The following STXBP4 variants were observed in gnomAD, a reference collection of about 807,000 sequenced individuals.
STXBP4 encodes syntaxin-binding protein 4.
STXBP4 carries 55 observed loss-of-function variants against 76.1 expected under a neutral mutation model. The observed-to-expected ratio is 0.72, with a 90% CI of 0.58 to 0.91. The LOEUF is 0.91. STXBP4 is among the 40% of genes least tolerant of loss of function. The pLI, the probability that STXBP4 is intolerant of heterozygous loss-of-function variation, is 0.00. For synonymous variants in STXBP4, 201 were observed against 220.2 expected, an observed-to-expected ratio of 0.91 and a Z score of 0.77; for missense variants, 618 against 636.9, an observed-to-expected ratio of 0.97 and a Z score of 0.32.
At chr17:55,078,779 A>C in intron 15 of STXBP4, 44 bp downstream of exon 15, 1 of 1,062,428 alleles carries the variant, frequency 9.4e-7, no homozygotes, top group Non-Finnish European at 1.5e-6. Flanking sequence ...GGTAGTGATT[A>C]AATTCTTCAT....
Position 55,043,762 on chromosome 17 carries a change from T to A in STXBP4, c.945+437T>A, listed in dbSNP as rs2078743712. The A allele has an allele frequency of 4.2e-6, 4 of 959,684 alleles. No individual in the cohort carries two copies. The Admixed American group carries it at 8.7e-5, about 21-fold the overall frequency. The allele number at this position is 959,684 out of a possible 1,614,324, so 59.4% of individuals were successfully genotyped here. The stretch of plus-strand genomic sequence containing the variant: ...CTAACGTAATTTGGAATTAATATTA[T>A]TTTAGAGAGGAAAAAAACACACATA... On this transcript the variant is annotated intron_variant, in intron 11 of 17. Transcript: ENST00000376352.
intron 4 of STXBP4, among the ~76,000 whole-genome samples, chr17:54,996,526 A>G (rs1013172088): frequency 6.6e-6 from 1 of 152,166 alleles, no homozygotes; most frequent in African/African-American, 2.4e-5. Flanking sequence ...ACAGATATGG[A>G]AGTCTCATTC....
intron 16 of STXBP4, among the ~76,000 whole-genome samples, chr17:55,094,217 G>A (rs1261895172): frequency 6.7e-6 from 1 of 148,376 alleles, no homozygotes; most frequent in Non-Finnish European, 1.5e-5. Context: ...GCAAGCAGGA[G>A]AACAGCATGC....
At chr17:54,992,067 G>T (rs1233761447) in intron 4 of STXBP4, among the ~76,000 whole-genome samples, 1 of 151,916 alleles carries the variant, frequency 6.6e-6, no homozygotes, top group Non-Finnish European at 1.5e-5. Flanking sequence ...ACTTTCAATT[G>T]TTTTATGCTT....
chr17:55,185,189 T>TTC, the STXBP4 span, among the ~76,000 whole-genome samples: 1 of 87,654 alleles, frequency 1.1e-5, no homozygotes, highest in Non-Finnish European at 2.4e-5. Context: ...TCTTCTTCTT[T>TTC]TTCTTCTTCT....
chr17:55,204,721 G>A, the STXBP4 span, among the ~76,000 whole-genome samples: 17 of 151,930 alleles, frequency 1.1e-4, no homozygotes, highest in African/African-American at 4.1e-4. Context: ...AATGACACCA[G>A]TTGGGCTCAA....
chr17:55,133,362 AG>A (rs2079993078), intron 16 of STXBP4, among the ~76,000 whole-genome samples: 1 of 152,174 alleles, frequency 6.6e-6, no homozygotes, highest in African/African-American at 2.4e-5. Context: ...TCAGGAGATC[AG>A]TAATGGGCAC....
At chr17:54,982,886 A>T (rs2077570498) in intron 1 of STXBP4, among the ~76,000 whole-genome samples, 2 of 152,142 alleles carry the variant, frequency 1.3e-5, no homozygotes, top group African/African-American at 4.8e-5. Flanking sequence ...TTTTTTGGTG[A>T]ATCAAACTTT....
chr17:55,069,372 TC>T (rs752894341), intron 12 of STXBP4, among the ~76,000 whole-genome samples: 2 of 152,168 alleles, frequency 1.3e-5, no homozygotes, highest in African/African-American at 2.4e-5. Flanking sequence ...GACAGCATTT[TC>T]CCTGATGGGA....
At chr17:55,111,104 A>G (rs2079708628) in intron 16 of STXBP4, among the ~76,000 whole-genome samples, 1 of 152,150 alleles carries the variant, frequency 6.6e-6, no homozygotes, top group Non-Finnish European at 1.5e-5. Flanking sequence ...GGAAAATGGC[A>G]CAGTAACTTC....
intron 16 of STXBP4, among the ~76,000 whole-genome samples, chr17:55,113,113 T>C (rs948008373): frequency 7.2e-5 from 11 of 152,010 alleles, no homozygotes; most frequent in African/African-American, 2.4e-4. Context: ...TTCATAAATA[T>C]TGGTTATGTA....
intron 4 of STXBP4, among the ~76,000 whole-genome samples, chr17:54,992,705 C>CTTTT (rs760386476): frequency 5.4e-4 from 52 of 96,822 alleles, no homozygotes; most frequent in East Asian, 1.1e-3. Context: ...AATTTGCTTC[C>CTTTT]TTTTTTTTTT....
intron 8 of STXBP4, among the ~76,000 whole-genome samples, chr17:55,013,897 A>G (rs1008534360): frequency 1.8e-4 from 27 of 152,260 alleles, no homozygotes; most frequent in African/African-American, 6.5e-4. Context: ...ACAGGGATGC[A>G]GAAAAAGACA....
In STXBP4 at chr17:55,169,575, G is replaced by A. The variant is rs556376281; in HGVS notation, c.*9664G>A. On this transcript the variant is annotated 3_prime_UTR_variant, in exon 18 of 18. Transcript: ENST00000376352. ...TATTATACATCCAAATACTAAAGAC[G>A]CTTAGATGTGAAAAATGTGTGTCTT... 26 of 152,284 alleles carry A rather than the reference G, an allele frequency of 1.7e-4. No individual in the cohort carries two copies. In the East Asian group the frequency reaches 2.5e-3, roughly 15 times the overall value. The allele number at this position is 152,284 out of a possible 1,614,324, so 9.4% of individuals were successfully genotyped here.
Position 55,159,914 on chromosome 17 carries a change from GT to G in STXBP4, c.*7del, listed in dbSNP as rs754924646. 18 of 1,589,190 alleles carry G rather than the reference GT, an allele frequency of 1.1e-5. No homozygotes were observed. The South Asian group carries it at 2.0e-4, about 18-fold the overall frequency. On this transcript the variant is annotated 3_prime_UTR_variant, in exon 18 of 18. Coordinates refer to ENST00000376352, the MANE Select transcript of STXBP4 (RefSeq NM_178509.6). ...AACTCCCCAACCAGAAAAGTTGATG[GT>G]TTTCCTTAGGAAGTGGAGCTACATG...
At chr17:55,033,898 T>TAC (rs1412648203) in intron 9 of STXBP4, among the ~76,000 whole-genome samples, 1 of 152,236 alleles carries the variant, frequency 6.6e-6, no homozygotes, top group Non-Finnish European at 1.5e-5. Context: ...CTACTCATAA[T>TAC]ACAAGGGTTG....
intron 16 of STXBP4, among the ~76,000 whole-genome samples, chr17:55,129,427 TAAAG>T (rs1466445732): frequency 1.3e-5 from 2 of 151,826 alleles, no homozygotes; most frequent in Non-Finnish European, 2.9e-5. Flanking sequence ...CAAAAAAAAA[TAAAG>T]AAAACTAAAA....
intron 4 of STXBP4, among the ~76,000 whole-genome samples, chr17:54,998,676 G>C (rs572902446): frequency 1.9e-4 from 29 of 152,254 alleles, no homozygotes; most frequent in African/African-American, 7.0e-4. Flanking sequence ...GCTGAAATAT[G>C]GGTAGGATCA....
intron 4 of STXBP4, 193 bp downstream of exon 4, chr17:54,991,150 A>G (rs113356672): frequency 1.8e-5 from 7 of 396,540 alleles, no homozygotes; most frequent in African/African-American, 1.2e-4. Flanking sequence ...TTCTTCTTCT[A>G]TGAAAATAAT....
Sources: allele counts gnomAD v4.1 joint callset (sites outside exome capture counted in the v4.1 genomes callset), GRCh38; gene constraint gnomAD v4.1.1; transcripts MANE v1.5; gene names NCBI Gene and HGNC (gene_info 2026-07-23, HGNC 2026-07-21).